Variants in MPDZ observed in about 807,000 individuals in gnomAD.
The protein encoded by MPDZ is multiple PDZ domain protein.
In MPDZ, 234 loss-of-function variants were observed where a neutral mutation model predicts 239.1. The observed-to-expected ratio is 0.98, with a 90% CI of 0.88 to 1.09. The LOEUF (loss-of-function observed/expected upper bound fraction) is 1.09, where lower values mean the gene tolerates loss of function less well. MPDZ is among the 50% of genes least tolerant of loss of function. MPDZ has a pLI of 0.00. For synonymous variants in MPDZ, 1,048 were observed against 881.3 expected (o/e 1.19, Z -3.35); for missense variants, 3,175 against 2,510.0 (o/e 1.26, Z -5.66).
At chr9:13,191,989 T>G in intron 15 of MPDZ, 142 bp downstream of exon 15, 3 of 670,952 alleles carry the variant, frequency 4.5e-6, no homozygotes, top group East Asian at 3.3e-5. Flanking sequence ...AACCCAGATT[T>G]GTCTGACTTT....
intron 11 of MPDZ, 58 bp downstream of exon 11, chr9:13,205,857 TA>T (rs1340341343): frequency 4.5e-5 from 64 of 1,420,440 alleles, no homozygotes; most frequent in Admixed American, 1.0e-4. Context: ...CTTTGGAATT[TA>T]AAAAAAATTG....
intron 19 of MPDZ, among the ~76,000 whole-genome samples, chr9:13,181,540 T>C (rs903815561): frequency 6.6e-6 from 1 of 152,180 alleles, no homozygotes. Context: ...CAATGTGTTT[T>C]AAAACACCCT....
intron 18 of MPDZ, 51 bp from the exon 19 acceptor site, chr9:13,183,636 T>A (rs746863032): frequency 6.4e-7 from 1 of 1,567,662 alleles, no homozygotes. Context: ...ATTACATATA[T>A]GACAAACAAT....
chr9:13,200,919 T>C (rs143474204), intron 12 of MPDZ, among the ~76,000 whole-genome samples: 122 of 152,224 alleles, frequency 8.0e-4, no homozygotes, highest in African/African-American at 2.7e-3. Context: ...TAAATGTCTA[T>C]TGGGTCAATT....
At position 13,254,642 on chromosome 9, in the gene MPDZ, A is replaced by T. The variant is rs138599932; in HGVS notation, c.-57-4270T>A. Among the ~76,000 whole-genome samples, 366 of 152,342 alleles carry T rather than the reference A, an allele frequency of 2.4e-3. 2 individuals carry two copies. Among genetic ancestry groups the T allele is most frequent in the African/African-American group, 8.5e-3 (355 of 41,582 alleles). ...AGTTCCAGACCACTGCAATAAAGTG[A>T]ATCTCTCAACAAAAGGGGTCACATG... On this transcript the variant is annotated intron_variant, in intron 1 of 46. Transcript: ENST00000319217.
intron 1 of MPDZ, among the ~76,000 whole-genome samples, chr9:13,254,524 T>C (rs959485231): frequency 6.6e-6 from 1 of 152,196 alleles, no homozygotes; most frequent in African/African-American, 2.4e-5. Flanking sequence ...TTGAGCTTAA[T>C]TTGTAAATTA....
At chr9:13,149,411 T>C (rs1188790425) in intron 25 of MPDZ, among the ~76,000 whole-genome samples, 2 of 152,112 alleles carry the variant, frequency 1.3e-5, no homozygotes, top group African/African-American at 2.4e-5. Flanking sequence ...GTAAATATAA[T>C]GGTCATTACA....
chr9:13,129,080 C>T (rs1945539252), intron 32 of MPDZ, among the ~76,000 whole-genome samples: 1 of 152,154 alleles, frequency 6.6e-6, no homozygotes, highest in South Asian at 2.1e-4. Flanking sequence ...CAATAAGCTA[C>T]AAATCTGCAT....
intron 1 of MPDZ, among the ~76,000 whole-genome samples, chr9:13,251,172 A>G (rs1967906499): frequency 6.6e-6 from 1 of 151,770 alleles, no homozygotes; most frequent in South Asian, 2.1e-4. Context: ...AGAAAAAAAG[A>G]AATGAATGTG....
chr9:13,222,300 T>C lies in MPDZ; in HGVS notation c.680A>G (p.Gln227Arg). 5 of 1,612,942 alleles carry C rather than the reference T, an allele frequency of 3.1e-6. No individual in the cohort carries two copies. The highest frequency in any genetic ancestry group is 3.4e-6 in the Non-Finnish European group (4 of 1,179,286). ...QLVIARGSLP[Q>R]LVSPIVSRSP... ...ACGGGAAACTATGGGGCTGACAAGC[T>C]GAGGCAATGAGCCTCTGGCAATAAC... The change falls in exon 6 of 47, where the codon CAG becomes CGG. Residue 227 changes from glutamine to arginine, a missense_variant. Gln to Arg is a conservative substitution (Grantham distance 43). Coordinates refer to ENST00000319217, the MANE Select transcript of MPDZ (RefSeq NM_001378778.1).
chr9:13,179,181 G>C (rs1952937269), intron 19 of MPDZ, among the ~76,000 whole-genome samples: 1 of 152,076 alleles, frequency 6.6e-6, no homozygotes, highest in African/African-American at 2.4e-5. Context: ...ACAAATGACA[G>C]GAAGGTATCA....
intron 13 of MPDZ, among the ~76,000 whole-genome samples, chr9:13,194,677 C>T (rs1230843145): frequency 1.3e-5 from 2 of 152,114 alleles, no homozygotes; most frequent in South Asian, 2.1e-4. Context: ...CAAACCTGCA[C>T]ATTCTGCACA....
At position 13,217,886 on chromosome 9, in the gene MPDZ, T is replaced by A. The variant is rs1412112; in HGVS notation, c.1087-592A>T. ...TGAATGATAACTGAAAGTGGGTTTC[T>A]CAGATGCCACCTTCTCTAATGTGTA... On this transcript the variant is annotated intron_variant, in intron 8 of 46. Coordinates refer to ENST00000319217, the MANE Select transcript of MPDZ (RefSeq NM_001378778.1). Among the ~76,000 whole-genome samples the A allele has an allele frequency of 9.2e-5, 14 of 151,662 alleles. No individual in the cohort carries two copies. The South Asian group carries it at 2.9e-3, about 32-fold the overall frequency.
chr9:13,196,091 T>C, intron 13 of MPDZ, 30 bp downstream of exon 13: 1 of 1,438,582 alleles, frequency 7.0e-7, no homozygotes, highest in Non-Finnish European at 9.6e-7. Flanking sequence ...AGTTACAAGT[T>C]AGAAAATTAC....
intron 39 of MPDZ, among the ~76,000 whole-genome samples, chr9:13,119,248 T>G (rs2131506099): frequency 6.6e-6 from 1 of 152,258 alleles, no homozygotes; most frequent in Non-Finnish European, 1.5e-5. Context: ...CATGCCCAAC[T>G]AATTTTTATA....
chr9:13,162,497 T>C (rs1218566314), intron 23 of MPDZ, among the ~76,000 whole-genome samples, 194 bp downstream of exon 23: 54 of 151,884 alleles, frequency 3.6e-4, no homozygotes, highest in Admixed American at 3.3e-3. Context: ...TGAATATTTA[T>C]ATATTTCTCA....
At chr9:13,187,524 G>A (rs956374046) in intron 17 of MPDZ, among the ~76,000 whole-genome samples, 3 of 152,070 alleles carry the variant, frequency 2.0e-5, no homozygotes, top group East Asian at 1.9e-4. Flanking sequence ...AGCCTGGTTC[G>A]ATTTCAGATT....
chr9:13,234,229 T>C (rs1052722453), intron 3 of MPDZ, among the ~76,000 whole-genome samples: 4 of 152,106 alleles, frequency 2.6e-5, no homozygotes, highest in African/African-American at 9.7e-5. Flanking sequence ...CATATAACAA[T>C]ATGATAATGC....
At chr9:13,133,497 A>T (rs374763697) in intron 32 of MPDZ, among the ~76,000 whole-genome samples, 73 of 152,296 alleles carry the variant, frequency 4.8e-4, no homozygotes, top group African/African-American at 1.7e-3. Context: ...GACCTTAGTG[A>T]AGGAATCAAT....
Sources: allele counts gnomAD v4.1 joint callset (sites outside exome capture counted in the v4.1 genomes callset), GRCh38; gene constraint gnomAD v4.1.1; transcripts MANE v1.5; gene names NCBI Gene and HGNC (gene_info 2026-07-23, HGNC 2026-07-21).